Variants in LAMC2 observed in about 807,000 individuals in gnomAD.
The protein encoded by LAMC2 is laminin subunit gamma-2.
LAMC2 carries 97 observed loss-of-function variants against 140.2 expected under a neutral mutation model. The observed-to-expected ratio is 0.69, with a 90% CI of 0.59 to 0.82. The LOEUF is 0.82. LAMC2 is among the 40% of genes least tolerant of loss of function. The pLI, the probability that LAMC2 is intolerant of heterozygous loss-of-function variation, is 0.00. For missense variants in LAMC2, 1,402 were observed against 1,476.1 expected (o/e 0.95, Z 0.82); for synonymous variants, 513 against 540.2 (o/e 0.95, Z 0.70).
intron 1 of LAMC2, among the ~76,000 whole-genome samples, chr1:183,199,353 C>T (rs1180167679): frequency 2.0e-5 from 3 of 152,014 alleles, no homozygotes; most frequent in Non-Finnish European, 1.5e-5. Flanking sequence ...CCACCCACCT[C>T]GGCCTCCCAA....
At chr1:183,188,397 G>A (rs1658222233) in intron 1 of LAMC2, among the ~76,000 whole-genome samples, 1 of 152,206 alleles carries the variant, frequency 6.6e-6, no homozygotes, top group Admixed American at 6.5e-5. Context: ...AAGCAGTGAT[G>A]TTGCTTCCTG....
intron 1 of LAMC2, among the ~76,000 whole-genome samples, chr1:183,205,649 T>A (rs1033108784): frequency 4.6e-5 from 7 of 152,216 alleles, no homozygotes; most frequent in Non-Finnish European, 1.0e-4. Flanking sequence ...ATGACAGATC[T>A]GTAGTCCAAC....
intron 1 of LAMC2, among the ~76,000 whole-genome samples, chr1:183,197,631 G>C (rs1225343720): frequency 6.6e-6 from 1 of 151,416 alleles, no homozygotes; most frequent in Non-Finnish European, 1.5e-5. Context: ...AGCCGAGATC[G>C]TGCTACTGCA....
Position 183,191,630 on chromosome 1 carries a change from G to A in LAMC2, c.79+5199G>A, listed in dbSNP as rs867352121. Among the ~76,000 whole-genome samples the A allele has an allele frequency of 2.0e-5, 3 of 152,202 alleles. No homozygotes were observed. In the South Asian group the frequency reaches 6.2e-4, roughly 32 times the overall value. On this transcript the variant is annotated intron_variant, in intron 1 of 22. Coordinates refer to ENST00000264144, the MANE Select transcript of LAMC2 (RefSeq NM_005562.3). ...CCCAGCACTTTGGGAGGCCGAGGCG[G>A]GCGGATTACCTGAGGTCCAGAGTTC...
At chr1:183,206,469 A>T (rs59663423) in intron 1 of LAMC2, among the ~76,000 whole-genome samples, 2,859 of 152,052 alleles carry the variant, frequency 0.019, 109 homozygotes, top group African/African-American at 0.066. Context: ...CACTGGCGAA[A>T]CCCCATCTCT....
chr1:183,238,053 G>A (rs1402606236), intron 18 of LAMC2, among the ~76,000 whole-genome samples: 1 of 152,130 alleles, frequency 6.6e-6, no homozygotes, highest in Admixed American at 6.5e-5. Flanking sequence ...TTGGCTTCAG[G>A]AAATATCTAG....
At chr1:183,239,698 A>T in intron 20 of LAMC2, 135 bp downstream of exon 20, 4 of 759,374 alleles carry the variant, frequency 5.3e-6, no homozygotes, top group Middle Eastern at 3.9e-4. Context: ...GCCCCAGATT[A>T]AAAGACTATG....
intron 1 of LAMC2, among the ~76,000 whole-genome samples, chr1:183,196,198 C>T (rs976609595): frequency 2.0e-5 from 3 of 151,260 alleles, no homozygotes; most frequent in African/African-American, 7.3e-5. Flanking sequence ...AGTGCAATGG[C>T]ACAATCTCAG....
chr1:183,240,815 G>T, intron 22 of LAMC2: 1 of 428,054 alleles, frequency 2.3e-6, no homozygotes, highest in Non-Finnish European at 3.3e-6. Context: ...TTGAAGAGGG[G>T]GTTAGAGAGA....
Position 183,227,583 on chromosome 1 carries a change from G to A in LAMC2, c.1354G>A (p.Asp452Asn), listed in dbSNP as rs562010289. 84 of 1,614,066 alleles carry A rather than the reference G, an allele frequency of 5.2e-5. No homozygotes were observed. In the Admixed American group the frequency reaches 7.5e-4, roughly 14 times the overall value. ...CADCPIGFYN[D>N]PHDPRSCKPC... ...TGACTGCCCAATTGGTTTCTACAAC[G>A]ATCCGCACGACCCCCGCAGCTGCAA... is the stretch of plus-strand genomic sequence containing the variant. The change falls in exon 10 of 23, where the codon GAT becomes AAT. Residue 452 changes from aspartate (D) to asparagine (N), a missense_variant. Asp to Asn is a conservative substitution (Grantham distance 23). Transcript: ENST00000264144.
At chr1:183,202,947 T>C (rs1658765588) in intron 1 of LAMC2, among the ~76,000 whole-genome samples, 2 of 152,122 alleles carry the variant, frequency 1.3e-5, no homozygotes, top group Admixed American at 6.6e-5. Flanking sequence ...TTCATTCATT[T>C]GTTTGTTAAA....
intron 2 of LAMC2, 133 bp downstream of exon 2, chr1:183,208,202 C>T: frequency 2.3e-6 from 2 of 872,150 alleles, no homozygotes; most frequent in Non-Finnish European, 3.8e-6. Flanking sequence ...AGCAAGCAGG[C>T]CAAGAGGGAG....
chr1:183,188,085 C>T (rs1263989756), intron 1 of LAMC2, among the ~76,000 whole-genome samples: 2 of 152,170 alleles, frequency 1.3e-5, no homozygotes, highest in Non-Finnish European at 2.9e-5. Context: ...CTAGGATTCT[C>T]ACTTCTTAAA....
intron 18 of LAMC2, 63 bp downstream of exon 18, chr1:183,237,567 T>C: frequency 7.1e-7 from 1 of 1,417,570 alleles, no homozygotes; most frequent in East Asian, 2.3e-5. Context: ...TATGAATAAA[T>C]ATGGCAAGAA....
In LAMC2 at chr1:183,218,425, C is replaced by T; in HGVS notation, c.440C>T (p.Ala147Val). 2.5e-6 allele frequency: 4 copies of T among 1,614,180 alleles called. No individual in the cohort carries two copies. The highest frequency in any genetic ancestry group is 1.1e-5 in the South Asian group (1 of 91,086). ...TGTGACTGTGACCCAGCTGGCATCG[C>T]AGGGCCCTGTGACGCGGGCCGCTGT... ...SKCDCDPAGI[A>V]GPCDAGRCVC... Residue 147 changes from alanine (A) to valine (V), a missense_variant, in exon 4 of 23, where the codon GCA (alanine) becomes GTA (valine). Physicochemically the swap from Ala to Val is moderately conservative, Grantham distance 64. Coordinates refer to ENST00000264144, the MANE Select transcript of LAMC2 (RefSeq NM_005562.3).
the LAMC2 span, chr1:183,250,212 C>A: frequency 6.6e-6 from 1 of 152,186 alleles, no homozygotes; most frequent in Non-Finnish European, 1.5e-5. Flanking sequence ...AAGGCTGTTC[C>A]ATCTTTCGCT....
intron 1 of LAMC2, 150 bp downstream of exon 1, chr1:183,186,581 T>A (rs79122995): frequency 5.4e-6 from 1 of 184,872 alleles, no homozygotes; most frequent in South Asian, 9.2e-5. Context: ...CTGGGGCTCC[T>A]CCAGAGACGG....
chr1:183,199,897 A>C (rs473789), intron 1 of LAMC2, among the ~76,000 whole-genome samples: 3 of 152,072 alleles, frequency 2.0e-5, no homozygotes, highest in Admixed American at 1.3e-4. Flanking sequence ...AGATCTGTGC[A>C]TTGGAGCCCA....
At chr1:183,252,525 G>C in the LAMC2 span, 1 of 781,542 alleles carries the variant, frequency 1.3e-6, no homozygotes, top group Non-Finnish European at 2.3e-6. Flanking sequence ...GGGGGGTTAA[G>C]TCAGCAAGTA....
Sources: gnomAD v4.1 joint callset for allele counts (sites outside exome capture counted in the v4.1 genomes callset) on GRCh38, gnomAD v4.1.1 for gene constraint, MANE v1.5 for transcripts, NCBI Gene and HGNC (gene_info 2026-07-23, HGNC 2026-07-21) for gene names.